Variants in NOTCH2NLB observed in about 807,000 individuals in gnomAD.
NOTCH2NLB encodes notch homolog 2 N-terminal-like protein B.
A neutral mutation model predicts 14.8 loss-of-function variants in NOTCH2NLB; 1 was observed. The ratio of observed to expected loss-of-function variants is 0.07; its 90% confidence interval spans 0.02 to 0.32. NOTCH2NLB has a LOEUF of 0.32. Ranked by LOEUF, NOTCH2NLB falls within the 10% of genes least tolerant of loss-of-function variation. The pLI, the probability that NOTCH2NLB is intolerant of heterozygous loss-of-function variation, is 1.00. For missense variants in NOTCH2NLB, 11 were observed against 155.0 expected (o/e 0.07, Z 4.93); for synonymous variants, 6 against 57.5 (o/e 0.10, Z 4.05).
the NOTCH2NLB span, among the ~76,000 whole-genome samples, chr1:148,693,093 C>G: frequency 1.7e-5 from 2 of 116,458 alleles, no homozygotes; most frequent in Non-Finnish European, 3.5e-5. Flanking sequence ...GAGCCGCCCC[C>G]CCCCCCCCAC....
chr1:148,658,565 T>C (rs1441403364), intron 1 of NOTCH2NLB, among the ~76,000 whole-genome samples: 1 of 85,960 alleles, frequency 1.2e-5, no homozygotes. Context: ...TTTTTTTTTT[T>C]TTTTTTTTTT....
chr1:148,670,539 A>C (rs1400914101), intron 1 of NOTCH2NLB, among the ~76,000 whole-genome samples: 1 of 93,482 alleles, frequency 1.1e-5, no homozygotes, highest in African/African-American at 4.3e-5. Flanking sequence ...TAAAAAAAAA[A>C]ATATATATAT....
At chr1:148,684,807 A>C in the NOTCH2NLB span, among the ~76,000 whole-genome samples, 1 of 80,090 alleles carries the variant, frequency 1.2e-5, no homozygotes. Context: ...GCATGTCTCT[A>C]GTCCCAGCTA....
At chr1:148,695,730 A>G in the NOTCH2NLB span, among the ~76,000 whole-genome samples, 1 of 150,866 alleles carries the variant, frequency 6.6e-6, no homozygotes, top group Non-Finnish European at 1.5e-5. Flanking sequence ...TGGTAGAGTG[A>G]GTAAAAGATC....
At position 148,610,323 on chromosome 1, in the gene NOTCH2NLB, G is replaced by GAA. The variant is rs1485448160; in HGVS notation, c.338-2579_338-2578insTT. Reference sequence around the variant, plus strand: ...AAAGAGAGAGAAAGAGAGAAAGAGAGAGAAAGAAAGAAAGAAAGAAAGAAA... The same window carrying GAA: ...AAAGAGAGAGAAAGAGAGAAAGAGAGAAAGAAAGAAAGAAAGAAAGAAAGAAA... On this transcript the variant is annotated intron_variant, in intron 3 of 4. Coordinates refer to ENST00000593495, the Ensembl canonical transcript of NOTCH2NLB. Among the ~76,000 whole-genome samples the GAA allele has an allele frequency of 4.2e-4, 19 of 45,574 alleles. 1 individual carries two copies. The highest frequency in any genetic ancestry group is 6.5e-4 in the African/African-American group (6 of 9,252). The allele number at this position is 45,574 out of a possible 152,430, so 29.9% of individuals were successfully genotyped here.
chr1:148,604,947 A>G (rs1663461096), downstream of NOTCH2NLB, among the ~76,000 whole-genome samples: 1 of 103,046 alleles, frequency 9.7e-6, no homozygotes, highest in Non-Finnish European at 2.0e-5. Flanking sequence ...GCACAACGCC[A>G]TATACACACA....
At chr1:148,673,482 T>C (rs1215169705) in intron 1 of NOTCH2NLB, among the ~76,000 whole-genome samples, 5 of 85,264 alleles carry the variant, frequency 5.9e-5, no homozygotes, top group Admixed American at 2.3e-4. Context: ...GGAAGCACCA[T>C]TTGCAACGGC....
chr1:148,670,156 G>A lies in NOTCH2NLB; in HGVS notation c.3+9306C>T, dbSNP rs1228860375. Among the ~76,000 whole-genome samples the A allele has an allele frequency of 3.5e-4, 32 of 92,600 alleles. 3 individuals carry two copies. Among genetic ancestry groups the A allele is most frequent in the Admixed American group, 3.2e-3 (31 of 9,748 alleles). The allele number at this position is 92,600 out of a possible 152,430, so 60.7% of individuals were successfully genotyped here. On this transcript the variant is annotated intron_variant, in intron 1 of 4. Coordinates refer to ENST00000593495, the Ensembl canonical transcript of NOTCH2NLB. ...AAAGGATTAAAAAAAATTAACCTAT[G>A]AAATGAACAATTTTTATATCAACAT...
chr1:148,610,372 A>G, intron 3 of NOTCH2NLB, among the ~76,000 whole-genome samples: 1 of 98,716 alleles, frequency 1.0e-5, no homozygotes, highest in Non-Finnish European at 2.1e-5. Flanking sequence ...AAAGAAAGAA[A>G]GAGAAAGAAA....
At chr1:148,639,112 G>T (rs2149617829) in intron 2 of NOTCH2NLB, among the ~76,000 whole-genome samples, 1 of 142,366 alleles carries the variant, frequency 7.0e-6, no homozygotes, top group East Asian at 2.0e-4. Flanking sequence ...AGAGTAGATG[G>T]TTGGAGAAAA....
chr1:148,670,557 T>TAC (rs1664754150), intron 1 of NOTCH2NLB, among the ~76,000 whole-genome samples: 1 of 135,766 alleles, frequency 7.4e-6, no homozygotes, highest in Non-Finnish European at 1.6e-5. Context: ...TATATACATA[T>TAC]ATATATATAT....
intron 1 of NOTCH2NLB, among the ~76,000 whole-genome samples, chr1:148,670,554 A>ATG (rs1664753870): frequency 1.1e-5 from 1 of 87,606 alleles, no homozygotes; most frequent in Non-Finnish European, 2.2e-5. Context: ...ATATATATAC[A>ATG]TATATATATA....
chr1:148,645,480 T>C (rs1210523130), intron 1 of NOTCH2NLB, among the ~76,000 whole-genome samples: 2 of 141,716 alleles, frequency 1.4e-5, no homozygotes, highest in African/African-American at 2.6e-5. Flanking sequence ...TTTCTTACTT[T>C]AACCAGTCTA....
chr1:148,661,538 G>GA (rs1413483624), intron 1 of NOTCH2NLB, among the ~76,000 whole-genome samples: 1 of 149,660 alleles, frequency 6.7e-6, no homozygotes, highest in East Asian at 1.9e-4. Flanking sequence ...AATTTTCTAT[G>GA]AAAAAATTGT....
At chr1:148,686,730 A>T in the NOTCH2NLB span, among the ~76,000 whole-genome samples, 2 of 90,662 alleles carry the variant, frequency 2.2e-5, no homozygotes, top group Non-Finnish European at 5.2e-5. Flanking sequence ...TAAGATTAAA[A>T]AAAAAAAAAA....
At chr1:148,638,233 C>T (rs1387809185) in intron 2 of NOTCH2NLB, among the ~76,000 whole-genome samples, 1 of 148,890 alleles carries the variant, frequency 6.7e-6, no homozygotes, top group Non-Finnish European at 1.5e-5. Context: ...GAAACATGTG[C>T]ATGACGGTAT....
chr1:148,673,948 A>G (rs1664803063), intron 1 of NOTCH2NLB, among the ~76,000 whole-genome samples: 1 of 96,636 alleles, frequency 1.0e-5, no homozygotes, highest in African/African-American at 3.5e-5. Context: ...CCATGAGAAC[A>G]CCTGAGCTAT....
chr1:148,646,762 AC>A (rs1664383798), intron 1 of NOTCH2NLB, among the ~76,000 whole-genome samples: 1 of 132,050 alleles, frequency 7.6e-6, no homozygotes, highest in African/African-American at 2.7e-5. Context: ...TACAATAGGA[AC>A]CCTTGATGTT....
chr1:148,703,239 A>G, the NOTCH2NLB span, among the ~76,000 whole-genome samples: 1 of 114,700 alleles, frequency 8.7e-6, no homozygotes. Flanking sequence ...GCAGTGAGCC[A>G]AGATCACGCC....
Sources: gnomAD v4.1 joint callset for allele counts (sites outside exome capture counted in the v4.1 genomes callset) on GRCh38, gnomAD v4.1.1 for gene constraint, MANE v1.5 for transcripts, NCBI Gene and HGNC (gene_info 2026-07-23, HGNC 2026-07-21) for gene names.